The following IFIT1B variants were observed in gnomAD, a reference collection of about 807,000 sequenced individuals.
IFIT1B encodes the protein interferon induced protein with tetratricopeptide repeats 1B, also known as protein IFIT1 homolog B.
Under a neutral mutation model 2.5 loss-of-function variants are expected in IFIT1B, and 3 were observed. The ratio of observed to expected loss-of-function variants is 1.21; its 90% CI spans 0.55 to 3.14. The LOEUF (loss-of-function observed/expected upper bound fraction) is 3.14, where lower values mean the gene tolerates loss of function less well. Among genes scored for constraint, IFIT1B ranks in the 30% most tolerant of loss-of-function variants. IFIT1B has a pLI of 0.03. For synonymous variants in IFIT1B, 196 were observed against 203.0 expected (o/e 0.97, Z 0.29); for missense variants, 545 against 556.5 (o/e 0.98, Z 0.21).
In IFIT1B at chr10:89,383,936, G is replaced by A. The variant is rs780418889; in HGVS notation, c.623G>A (p.Arg208Gln). The change falls in exon 2 of 2, where the codon CGA (arginine) becomes CAA (glutamine). Residue 208 changes from arginine to glutamine, a missense_variant. Coordinates refer to ENST00000371809, the MANE Select transcript of IFIT1B (RefSeq NM_001010987.2). ...GCATTTTCTCTGCACGTCCTAAAAC[G>A]AGCTGTCAGGCTAAATCCAGATGAT... ...NKAFSLHVLK[R>Q]AVRLNPDDVY... is the part of the protein sequence containing the mutation. 17 of 1,614,122 alleles carry A rather than the reference G, an allele frequency of 1.1e-5. No homozygotes were observed. The East Asian group carries it at 2.7e-4, about 25-fold the overall frequency.
chr10:89,378,943 A>C (rs1473705309), intron 1 of IFIT1B, among the ~76,000 whole-genome samples: 1 of 152,268 alleles, frequency 6.6e-6, no homozygotes, highest in East Asian at 1.9e-4. Context: ...ACCAGGGAAC[A>C]GAGGCCTGAG....
In IFIT1B at chr10:89,384,390, T is replaced by A; in HGVS notation, c.1077T>A (p.Ala359=). ...CAGAAATAGGCCACCACAGAAAGGC[T>A]GAGGAACATTTTCAGAAAGGGTTAC... ...TYAEIGHHRK[A]EEHFQKGLRM... Residue 359 remains alanine, a synonymous_variant, in exon 2 of 2, where the codon GCT becomes GCA. Transcript: ENST00000371809. 3 of 1,614,160 alleles carry A rather than the reference T, an allele frequency of 1.9e-6. No individual in the cohort carries two copies. In the South Asian group the frequency reaches 3.3e-5, roughly 18 times the overall value.
intron 1 of IFIT1B, among the ~76,000 whole-genome samples, chr10:89,381,708 C>T (rs774429911): frequency 9.9e-5 from 15 of 152,162 alleles, no homozygotes; most frequent in Non-Finnish European, 2.1e-4. Flanking sequence ...CCTGAGTATC[C>T]TCTGCCCAAC....
rs1844187779 is a variant in IFIT1B, at chr10:89,384,338, C to G, written c.1025C>G (p.Ala342Gly). 1.2e-6 allele frequency: 2 copies of G among 1,613,918 alleles called. No individual in the cohort carries two copies. The highest frequency in any genetic ancestry group is 1.7e-6 in the Non-Finnish European group (2 of 1,180,004). ...ATGTTAAAGCGAACATTTGAGATGG[C>G]CTATGTTGACCTGGCTGAAACGTAT... ...TIMLKRTFEMAYVDLAETYAE... is the reference protein window; with the variant it reads ...TIMLKRTFEMGYVDLAETYAE... The change falls in exon 2 of 2, where the codon GCC (alanine) becomes GGC (glycine). Residue 342 changes from alanine (A) to glycine (G), a missense_variant. Ala to Gly is a moderately conservative substitution (Grantham distance 60, BLOSUM62 0). Coordinates refer to ENST00000371809, the MANE Select transcript of IFIT1B (RefSeq NM_001010987.2).
rs202170099 is a variant in IFIT1B, at chr10:89,383,750, G to A, written c.437G>A (p.Gly146Glu). The A allele has an allele frequency of 3.2e-5, 52 of 1,614,218 alleles. No homozygotes were observed. The Admixed American group carries it at 8.5e-4, about 26-fold the overall frequency. The change falls in exon 2 of 2, where the codon GGA becomes GAA. Residue 146 changes from glycine to glutamate, a missense_variant. Gly to Glu is a moderately conservative substitution (Grantham distance 98). Transcript: ENST00000371809. Reference protein sequence around the residue: ...MECPEVDCEEGWALAKCGGKN... With the variant: ...MECPEVDCEEEWALAKCGGKN... ...TGTCCAGAGGTGGACTGTGAGGAAG[G>A]ATGGGCCTTGGCGAAGTGTGGTGGA... is the stretch of plus-strand genomic sequence containing the variant.
At chr10:89,381,271 A>G (rs1195214050) in intron 1 of IFIT1B, among the ~76,000 whole-genome samples, 1 of 152,182 alleles carries the variant, frequency 6.6e-6, no homozygotes, top group Non-Finnish European at 1.5e-5. Flanking sequence ...TCCACGGGGC[A>G]TGAGTGGACG....
intron 1 of IFIT1B, among the ~76,000 whole-genome samples, chr10:89,378,370 G>A (rs1342422572): frequency 6.6e-6 from 1 of 152,176 alleles, no homozygotes; most frequent in Non-Finnish European, 1.5e-5. Flanking sequence ...GTGCTTGTTG[G>A]TTGCAGGGCA....
intron 1 of IFIT1B, among the ~76,000 whole-genome samples, chr10:89,380,685 G>A (rs1844156147): frequency 6.6e-6 from 1 of 152,018 alleles, no homozygotes; most frequent in Admixed American, 6.6e-5. Context: ...CACCTGCCTT[G>A]GACTCTCAAA....
In IFIT1B at chr10:89,383,365, A is replaced by G. The variant is rs1168145969; in HGVS notation, c.52A>G (p.Arg18Gly). 6.2e-7 allele frequency: 1 copy of G among 1,614,202 alleles called. No individual in the cohort carries two copies. Among genetic ancestry groups the G allele is most frequent in the Admixed American group, 1.7e-5 (1 of 60,026 alleles). ...KLIEDSLIQL[R>G]CHFTWKLLIE... is the part of the protein sequence containing the mutation. ...TATTGAAGACAGCCTGATTCAGCTG[A>G]GATGTCACTTTACATGGAAGTTGTT... The change falls in exon 2 of 2, where the codon AGA (arginine) becomes GGA (glycine). Residue 18 changes from arginine (R) to glycine (G), a missense_variant. Coordinates refer to ENST00000371809, the MANE Select transcript of IFIT1B (RefSeq NM_001010987.2).
In IFIT1B at chr10:89,384,336, G is replaced by T. The variant is rs754366883; in HGVS notation, c.1023G>T (p.Met341Ile). The change falls in exon 2 of 2, where the codon ATG becomes ATT. Residue 341 changes from methionine (M) to isoleucine (I), a missense_variant. Transcript: ENST00000371809. Reference sequence around the variant, plus strand: ...TAATGTTAAAGCGAACATTTGAGATGGCCTATGTTGACCTGGCTGAAACGT... The same window carrying T: ...TAATGTTAAAGCGAACATTTGAGATTGCCTATGTTGACCTGGCTGAAACGT... ...KTIMLKRTFE[M>I]AYVDLAETYA... The T allele has an allele frequency of 1.9e-6, 3 of 1,614,146 alleles. No homozygotes were observed. In the Admixed American group the frequency reaches 5.0e-5, roughly 27 times the overall value.
Position 89,384,397 on chromosome 10 carries a change from C to A in IFIT1B, c.1084C>A (p.His362Asn), listed in dbSNP as rs529801736. ...EIGHHRKAEE[H>N]FQKGLRMKIF... ...AGGCCACCACAGAAAGGCTGAGGAA[C>A]ATTTTCAGAAAGGGTTACGCATGAA... The change falls in exon 2 of 2, where the codon CAT becomes AAT. Residue 362 changes from histidine to asparagine, a missense_variant. By Grantham distance (68) the His-to-Asn change is moderately conservative (BLOSUM62 1). Transcript: ENST00000371809. 9.9e-6 allele frequency: 16 copies of A among 1,614,048 alleles called. 1 individual carries two copies. The South Asian group carries it at 1.6e-4, about 17-fold the overall frequency.
At chr10:89,381,778 T>C (rs1266051221) in intron 1 of IFIT1B, among the ~76,000 whole-genome samples, 1 of 152,084 alleles carries the variant, frequency 6.6e-6, no homozygotes, top group East Asian at 1.9e-4. Flanking sequence ...TTCCTTTCCT[T>C]TATTTTCTTT....
rs140309299 is a variant in IFIT1B, at chr10:89,383,850, T to C, written c.537T>C (p.Thr179=). Residue 179 remains threonine (T), a synonymous_variant, in exon 2 of 2, where the codon ACT becomes ACC. Coordinates refer to ENST00000371809, the MANE Select transcript of IFIT1B (RefSeq NM_001010987.2). ...EGNPENPEFN[T]GYAITVYRLD... ...ACCCTGAAAACCCTGAATTCAATAC[T>C]GGGTACGCAATCACCGTCTATCGCC... is the stretch of plus-strand genomic sequence containing the variant. The C allele has an allele frequency of 1.1e-5, 17 of 1,614,200 alleles. No homozygotes were observed. Among genetic ancestry groups the C allele is most frequent in the Non-Finnish European group, 1.4e-5 (17 of 1,180,024 alleles).
In IFIT1B at chr10:89,384,438, G is replaced by C. The variant is rs571133224; in HGVS notation, c.1125G>C (p.Gln375His). 2.5e-6 allele frequency: 4 copies of C among 1,614,200 alleles called. No individual in the cohort carries two copies. Among genetic ancestry groups the C allele is most frequent in the Non-Finnish European group, 3.4e-6 (4 of 1,180,046 alleles). ...TACGCATGAAGATCTTTGAAGATCA[G>C]CTAAAGCAAGAGATTCATTACCACT... is the stretch of plus-strand genomic sequence containing the variant. ...KGLRMKIFEDQLKQEIHYHYG... is the reference protein window; with the variant it reads ...KGLRMKIFEDHLKQEIHYHYG... Residue 375 changes from glutamine (Q) to histidine (H), a missense_variant, in exon 2 of 2, where the codon CAG becomes CAC. Transcript: ENST00000371809.
chr10:89,384,572 A>G lies in IFIT1B; in HGVS notation c.1259A>G (p.Asn420Ser), dbSNP rs1844190843. Residue 420 changes from asparagine to serine, a missense_variant, in exon 2 of 2, where the codon AAT (asparagine) becomes AGT (serine). Asn to Ser is a conservative substitution (Grantham distance 46). Transcript: ENST00000371809. ...TCCCATTCCAGGGAAAAACTTCTCA[A>G]TGCTTTAGAGAAATTGGCTAAAAGA... ...KMSHSREKLL[N>S]ALEKLAKRCI... The G allele has an allele frequency of 6.2e-7, 1 of 1,614,088 alleles. No homozygotes were observed. Among genetic ancestry groups the G allele is most frequent in the Non-Finnish European group, 8.5e-7 (1 of 1,180,034 alleles).
chr10:89,384,776 C>G lies in IFIT1B; in HGVS notation c.*38C>G. ...CATTATCCATTTAATGGTCTTATAA[C>G]TAAATAGAATGACTATGAAATTAAA... On this transcript the variant is annotated 3_prime_UTR_variant, in exon 2 of 2. Coordinates refer to ENST00000371809, the MANE Select transcript of IFIT1B (RefSeq NM_001010987.2). 1 of 1,437,472 alleles carries G rather than the reference C, an allele frequency of 7.0e-7. No individual in the cohort carries two copies. Among genetic ancestry groups the G allele is most frequent in the South Asian group, 1.3e-5 (1 of 77,756 alleles). The allele number at this position is 1,437,472 out of a possible 1,614,324, so 89.0% of individuals were successfully genotyped here. A position where few individuals can be genotyped will look rare whatever the true frequency, so the allele number is the denominator to read the frequency against.
At chr10:89,379,430 T>C (rs1347461581) in intron 1 of IFIT1B, among the ~76,000 whole-genome samples, 1 of 152,120 alleles carries the variant, frequency 6.6e-6, no homozygotes, top group Non-Finnish European at 1.5e-5. Flanking sequence ...AAATAAGAAA[T>C]TTTGTAGGCA....
Position 89,384,185 on chromosome 10 carries a change from T to C in IFIT1B, c.872T>C (p.Met291Thr). 1.2e-6 allele frequency: 2 copies of C among 1,614,096 alleles called. No individual in the cohort carries two copies. The highest frequency in any genetic ancestry group is 1.3e-5 in the African/African-American group (1 of 75,016). The change falls in exon 2 of 2, where the codon ATG becomes ACG. Residue 291 changes from methionine to threonine, a missense_variant. Coordinates refer to ENST00000371809, the MANE Select transcript of IFIT1B (RefSeq NM_001010987.2). ...ACTTCTGCCTTCCTGCATCACCAAA[T>C]GGGGCTTTGCTACAGGGCACAAATG... is the stretch of plus-strand genomic sequence containing the variant. ...TPTSAFLHHQMGLCYRAQMIQ... is the reference protein window; with the variant it reads ...TPTSAFLHHQTGLCYRAQMIQ...
chr10:89,378,399 G>T (rs1413732028), intron 1 of IFIT1B, among the ~76,000 whole-genome samples: 2 of 152,114 alleles, frequency 1.3e-5, no homozygotes, highest in Non-Finnish European at 2.9e-5. Flanking sequence ...AGGCGTGTTG[G>T]TTTACAACAG....
Sources: allele counts gnomAD v4.1 joint callset (sites outside exome capture counted in the v4.1 genomes callset), GRCh38; gene constraint gnomAD v4.1.1; transcripts MANE v1.5; gene names NCBI Gene and HGNC (gene_info 2026-07-23, HGNC 2026-07-21).